CYRIA: variants seen among roughly 807,000 people sequenced by gnomAD.
CYRIA encodes CYFIP-related Rac1 interactor A.
Under a neutral mutation model 43.9 loss-of-function variants are expected in CYRIA, and 15 were observed. The observed-to-expected ratio is 0.34, with a 90% CI of 0.23 to 0.53. The LOEUF (loss-of-function observed/expected upper bound fraction) is 0.53, where lower values mean the gene tolerates loss of function less well. Among genes scored for constraint, CYRIA ranks in the 20% least tolerant of loss-of-function variants. The probability of loss-of-function intolerance (pLI) is 0.94; values close to 1 mark genes in which losing one functional copy is unlikely to be tolerated. For synonymous variants in CYRIA, 117 were observed against 136.0 expected (o/e 0.86, Z 0.97); for missense variants, 236 against 394.2 (o/e 0.60, Z 3.40).
At chr2:16,559,684 T>C (rs1441452670) in intron 9 of CYRIA, 98 bp from the exon 10 acceptor site, 2 of 1,391,634 alleles carry the variant, frequency 1.4e-6, no homozygotes, top group South Asian at 3.0e-5. Context: ...CAATCCTCTC[T>C]TGGGAACAAT....
At chr2:16,646,257 C>G (rs965701875) in intron 1 of CYRIA, among the ~76,000 whole-genome samples, 21 of 152,246 alleles carry the variant, frequency 1.4e-4, no homozygotes, top group Non-Finnish European at 2.9e-4. Context: ...CACCAGGCCA[C>G]TACCCTGTGG....
At chr2:16,565,513 A>G in intron 4 of CYRIA, 133 bp downstream of exon 4, 1 of 1,125,808 alleles carries the variant, frequency 8.9e-7, no homozygotes, top group Non-Finnish European at 1.2e-6. Context: ...AGGACACATT[A>G]CCCTCCTTGT....
chr2:16,652,369 G>C (rs1669998922), intron 1 of CYRIA, among the ~76,000 whole-genome samples: 1 of 152,126 alleles, frequency 6.6e-6, no homozygotes, highest in Admixed American at 6.5e-5. Flanking sequence ...TACGAGGTGG[G>C]AGCTGGCAGC....
chr2:16,613,822 C>G (rs531901628), intron 2 of CYRIA, among the ~76,000 whole-genome samples: 1 of 152,252 alleles, frequency 6.6e-6, no homozygotes, highest in Non-Finnish European at 1.5e-5. Context: ...TAGTAGCCAA[C>G]GCTTACTTAA....
At chr2:16,629,267 G>A (rs1202730159) in intron 1 of CYRIA, among the ~76,000 whole-genome samples, 3 of 152,218 alleles carry the variant, frequency 2.0e-5, no homozygotes, top group African/African-American at 7.2e-5. Context: ...GGAGTGAGCA[G>A]CTCTAACCTG....
At chr2:16,641,480 T>C (rs1365800231) in intron 1 of CYRIA, among the ~76,000 whole-genome samples, 1 of 152,228 alleles carries the variant, frequency 6.6e-6, no homozygotes. Context: ...ACTTCAGCCA[T>C]GGACTCAACC....
intron 1 of CYRIA, among the ~76,000 whole-genome samples, chr2:16,647,433 G>A (rs1450498069): frequency 3.3e-5 from 5 of 152,046 alleles, no homozygotes; most frequent in African/African-American, 4.8e-5. Flanking sequence ...TTGATTATAC[G>A]CAAGAATGTA....
intron 3 of CYRIA, among the ~76,000 whole-genome samples, chr2:16,574,141 C>T (rs1667240316): frequency 6.6e-6 from 1 of 152,110 alleles, no homozygotes; most frequent in South Asian, 2.1e-4. Context: ...TTGTTGGGAA[C>T]TGGAGGAAAG....
chr2:16,555,689 G>A lies in CYRIA; in HGVS notation c.838-550C>T, dbSNP rs546305316. Among the ~76,000 whole-genome samples the A allele has an allele frequency of 3.9e-5, 6 of 152,166 alleles. No homozygotes were observed. In the South Asian group the frequency reaches 1.0e-3, roughly 26 times the overall value. ...ATTCTGACCTCACTACCTTCATTAG[G>A]TAGAAGCAACCAACACCTTTCTGTG... On this transcript the variant is annotated intron_variant, in intron 10 of 11. Coordinates refer to ENST00000381323, the MANE Select transcript of CYRIA (RefSeq NM_030797.4).
At chr2:16,608,963 C>T (rs1668502036) in intron 2 of CYRIA, among the ~76,000 whole-genome samples, 2 of 152,094 alleles carry the variant, frequency 1.3e-5, no homozygotes, top group African/African-American at 4.8e-5. Context: ...AAACGCAGGT[C>T]ACTCCCTTTG....
intron 1 of CYRIA, among the ~76,000 whole-genome samples, chr2:16,659,730 C>T (rs1365326857): frequency 6.6e-6 from 1 of 152,234 alleles, no homozygotes; most frequent in Non-Finnish European, 1.5e-5. Context: ...GCTTGTCACT[C>T]ATTGTTCCTC....
At chr2:16,566,171 T>C (rs1423327687) in intron 3 of CYRIA, among the ~76,000 whole-genome samples, 1 of 152,204 alleles carries the variant, frequency 6.6e-6, no homozygotes, top group Non-Finnish European at 1.5e-5. Flanking sequence ...TGTGGTTAAA[T>C]ACACATAACA....
Position 16,561,282 on chromosome 2 carries a change from T to A in CYRIA, c.514-5A>T, listed in dbSNP as rs759120122. On this transcript the variant is annotated splice_polypyrimidine_tract_variant and splice_region_variant and intron_variant, in intron 7 of 11. Transcript: ENST00000381323. ...GACTTCATTCTCAATGTCTAGCTGA[T>A]GAAAATAAGAAGAGAAGATGGATTT... is the stretch of plus-strand genomic sequence containing the variant. 6.3e-7 allele frequency: 1 copy of A among 1,596,840 alleles called. No individual in the cohort carries two copies. Among genetic ancestry groups the A allele is most frequent in the Non-Finnish European group, 8.6e-7 (1 of 1,164,642 alleles).
intron 1 of CYRIA, among the ~76,000 whole-genome samples, chr2:16,626,008 C>T (rs1029280866): frequency 2.0e-5 from 3 of 152,084 alleles, no homozygotes; most frequent in African/African-American, 7.2e-5. Context: ...TAAGACACCT[C>T]CTGCTTGTCT....
At chr2:16,628,786 T>C (rs571988008) in intron 1 of CYRIA, among the ~76,000 whole-genome samples, 1 of 152,318 alleles carries the variant, frequency 6.6e-6, no homozygotes, top group East Asian at 1.9e-4. Context: ...AATGCCTTGC[T>C]TCCCAATCCA....
At chr2:16,562,235 A>G in intron 5 of CYRIA, 94 bp from the exon 6 acceptor site, 1 of 1,353,158 alleles carries the variant, frequency 7.4e-7, no homozygotes. Flanking sequence ...AATCTCGGAG[A>G]TCACCTGCTT....
chr2:16,616,097 G>A lies in CYRIA; in HGVS notation c.-11+7767C>T, dbSNP rs116874611. Among the ~76,000 whole-genome samples the A allele has an allele frequency of 5.3e-4, 81 of 152,318 alleles. 1 individual carries two copies. The East Asian group carries it at 0.011, about 20-fold the overall frequency. On this transcript the variant is annotated intron_variant, in intron 2 of 11. Transcript: ENST00000381323. ...CAGGTCCCTCAAGGGGACGAGGCCA[G>A]CCTGCCTCAGGCTGCACACAGAAGA...
intron 1 of CYRIA, among the ~76,000 whole-genome samples, chr2:16,644,771 C>T (rs1039202944): frequency 8.5e-5 from 13 of 152,202 alleles, no homozygotes; most frequent in Middle Eastern, 3.4e-3. Context: ...TCTACCTTTG[C>T]GGGAGTCTTT....
intron 2 of CYRIA, among the ~76,000 whole-genome samples, chr2:16,593,883 C>A (rs56398382): frequency 6.9e-6 from 1 of 144,398 alleles, no homozygotes; most frequent in Non-Finnish European, 1.5e-5. Context: ...CCCCGACCCC[C>A]GACCCCACCA....
Sources: gnomAD v4.1 joint callset for allele counts (sites outside exome capture counted in the v4.1 genomes callset) on GRCh38, gnomAD v4.1.1 for gene constraint, MANE v1.5 for transcripts, NCBI Gene and HGNC (gene_info 2026-07-23, HGNC 2026-07-21) for gene names.